Variants in PTPRG observed in about 807,000 individuals in gnomAD.
The protein encoded by PTPRG is receptor-type tyrosine-protein phosphatase gamma.
A neutral mutation model predicts 165.3 loss-of-function variants in PTPRG; 102 were observed. That is an observed-to-expected ratio of 0.62 (90% CI 0.53 to 0.73). The LOEUF (loss-of-function observed/expected upper bound fraction) is 0.73. Ranked by LOEUF, PTPRG falls within the 30% of genes least tolerant of loss-of-function variation. PTPRG has a pLI of 0.00. For missense variants in PTPRG, 1,866 were observed against 1,861.4 expected (o/e 1.00, Z -0.05); for synonymous variants, 675 against 669.5 (o/e 1.01, Z -0.13).
intron 7 of PTPRG, among the ~76,000 whole-genome samples, chr3:62,163,900 G>T (rs1223817128): frequency 1.3e-5 from 2 of 152,234 alleles, no homozygotes; most frequent in Non-Finnish European, 2.9e-5. Context: ...ACAGGATTTT[G>T]TACCCAGGTA....
At chr3:61,909,713 C>T (rs1273190518) in intron 2 of PTPRG, among the ~76,000 whole-genome samples, 1 of 149,624 alleles carries the variant, frequency 6.7e-6, no homozygotes, top group Non-Finnish European at 1.5e-5. Context: ...ATCTGTAGGA[C>T]TATACAGTTT....
rs148031094 is a variant in PTPRG, at chr3:61,868,855, A to G, written c.190+119873A>G. On this transcript the variant is annotated intron_variant, in intron 2 of 29. Transcript: ENST00000474889. ...CTAAAATGGTCTCATGTTTAATTCAATGTGCGCATTTATAACAAGGTCTGA... is the reference window on the plus strand; with the variant it reads ...CTAAAATGGTCTCATGTTTAATTCAGTGTGCGCATTTATAACAAGGTCTGA... Among the ~76,000 whole-genome samples, 467 of 150,350 alleles carry G rather than the reference A, an allele frequency of 3.1e-3. 1 individual carries two copies. The highest frequency in any genetic ancestry group is 0.011 in the African/African-American group (440 of 41,078).
chr3:61,672,428 C>T (rs1337886207), intron 1 of PTPRG, among the ~76,000 whole-genome samples: 5 of 135,628 alleles, frequency 3.7e-5, no homozygotes, highest in Non-Finnish European at 1.6e-5. Context: ...AGCCTGGGCA[C>T]CATTGAGCAC....
At chr3:61,933,093 A>G (rs996975127) in intron 2 of PTPRG, among the ~76,000 whole-genome samples, 1 of 152,196 alleles carries the variant, frequency 6.6e-6, no homozygotes, top group Non-Finnish European at 1.5e-5. Flanking sequence ...CCCCAAAGCA[A>G]ATGTCTGTTG....
intron 14 of PTPRG, among the ~76,000 whole-genome samples, chr3:62,241,679 C>T (rs1435190215): frequency 6.6e-6 from 1 of 151,988 alleles, no homozygotes; most frequent in African/African-American, 2.4e-5. Flanking sequence ...ATATCCTTTC[C>T]AAGTCACTTT....
At chr3:61,658,322 A>C (rs1226564168) in intron 1 of PTPRG, among the ~76,000 whole-genome samples, 5 of 152,148 alleles carry the variant, frequency 3.3e-5, no homozygotes, top group Admixed American at 3.3e-4. Context: ...GTGTCCTAGG[A>C]CAGTGGCTAG....
chr3:61,650,941 A>G (rs188350859), intron 1 of PTPRG, among the ~76,000 whole-genome samples: 1 of 152,306 alleles, frequency 6.6e-6, no homozygotes, highest in Non-Finnish European at 1.5e-5. Context: ...GTGAACAATG[A>G]TTCAGCAATT....
intron 1 of PTPRG, among the ~76,000 whole-genome samples, chr3:61,748,041 T>C (rs79286472): frequency 6.6e-6 from 1 of 152,306 alleles, no homozygotes; most frequent in East Asian, 1.9e-4. Context: ...CTCTCCATAA[T>C]GGGTGAGAGT....
At chr3:62,097,838 A>G (rs1181714902) in intron 5 of PTPRG, among the ~76,000 whole-genome samples, 1 of 152,196 alleles carries the variant, frequency 6.6e-6, no homozygotes, top group Admixed American at 6.5e-5. Flanking sequence ...CTCGTGAAGC[A>G]CTTTTTAGAA....
chr3:61,705,365 A>T (rs1007112078), intron 1 of PTPRG, among the ~76,000 whole-genome samples: 3 of 152,090 alleles, frequency 2.0e-5, no homozygotes, highest in Non-Finnish European at 2.9e-5. Flanking sequence ...GTAGATTCTG[A>T]TTCTTCTTTT....
intron 4 of PTPRG, among the ~76,000 whole-genome samples, 192 bp from the exon 5 acceptor site, chr3:62,077,971 G>A (rs11713551): frequency 0.062 from 9,243 of 148,608 alleles, 399 homozygotes; most frequent in South Asian, 0.11. Flanking sequence ...GCAGTCCAGC[G>A]TGGGCAACAG....
intron 4 of PTPRG, among the ~76,000 whole-genome samples, chr3:62,054,656 A>G (rs1045221216): frequency 2.6e-5 from 4 of 152,218 alleles, no homozygotes; most frequent in African/African-American, 4.8e-5. Context: ...TCTTTGGGAC[A>G]TTTGAATTCT....
Position 61,738,291 on chromosome 3 carries a change from T to C in PTPRG, c.86-10587T>C, listed in dbSNP as rs1214230421. ...ATATATATATATACATATATATATA[T>C]ATATATATATATATATATATACATA... is the stretch of plus-strand genomic sequence containing the variant. On this transcript the variant is annotated intron_variant, in intron 1 of 29. Coordinates refer to ENST00000474889, the MANE Select transcript of PTPRG (RefSeq NM_002841.4). 4.3e-4 allele frequency among the ~76,000 whole-genome samples: 35 copies of C among 81,984 alleles called. 1 individual carries two copies. Among genetic ancestry groups the C allele is most frequent in the South Asian group, 2.0e-3 (4 of 1,974 alleles). The allele number at this position is 81,984 out of a possible 152,430, so 53.8% of individuals were successfully genotyped here.
intron 5 of PTPRG, among the ~76,000 whole-genome samples, chr3:62,093,311 A>G (rs938340371): frequency 6.6e-6 from 1 of 151,588 alleles, no homozygotes; most frequent in African/African-American, 2.4e-5. Context: ...CATGTTCTCA[A>G]CTCCTGAGGT....
intron 2 of PTPRG, among the ~76,000 whole-genome samples, chr3:61,969,236 T>C (rs1200931172): frequency 6.6e-6 from 1 of 152,124 alleles, no homozygotes; most frequent in Non-Finnish European, 1.5e-5. Context: ...GACAATGTGG[T>C]CTCCAGTGGA....
chr3:61,714,986 T>C (rs2031741504), intron 1 of PTPRG, among the ~76,000 whole-genome samples: 1 of 152,108 alleles, frequency 6.6e-6, no homozygotes. Flanking sequence ...AGTAACTCAG[T>C]TGAAGTGTTT....
chr3:62,226,557 G>A (rs1700768150), intron 13 of PTPRG, among the ~76,000 whole-genome samples: 1 of 152,254 alleles, frequency 6.6e-6, no homozygotes, highest in Non-Finnish European at 1.5e-5. Context: ...GATATTAAAT[G>A]TTTAATATCT....
intron 1 of PTPRG, chr3:61,743,032 C>G (rs758386068): frequency 2.6e-5 from 41 of 1,593,190 alleles, no homozygotes; most frequent in Admixed American, 3.3e-5. Flanking sequence ...CAGGAACTTG[C>G]GGCGCTTGCG....
At chr3:61,748,320 C>T (rs990472524) in intron 1 of PTPRG, among the ~76,000 whole-genome samples, 2 of 152,134 alleles carry the variant, frequency 1.3e-5, no homozygotes, top group African/African-American at 2.4e-5. Flanking sequence ...TACTGCATAC[C>T]TACTGGGTGA....
Sources: gnomAD v4.1 joint callset for allele counts (sites outside exome capture counted in the v4.1 genomes callset) on GRCh38, gnomAD v4.1.1 for gene constraint, MANE v1.5 for transcripts, NCBI Gene and HGNC (gene_info 2026-07-23, HGNC 2026-07-21) for gene names.